Variants in ZNF704 observed in about 807,000 individuals in gnomAD.
ZNF704 encodes zinc finger protein 704.
In ZNF704, 10 loss-of-function variants were observed where a neutral mutation model predicts 44.7. The ratio of observed to expected loss-of-function variants is 0.22; its 90% CI spans 0.14 to 0.38. The LOEUF (loss-of-function observed/expected upper bound fraction) is 0.38, where lower values mean the gene tolerates loss of function less well. Ranked by LOEUF, ZNF704 falls within the 10% of genes least tolerant of loss-of-function variation. The probability of loss-of-function intolerance (pLI) is 1.00; values close to 1 mark genes in which losing one functional copy is unlikely to be tolerated. For synonymous variants in ZNF704, 211 were observed against 207.6 expected (o/e 1.02, Z -0.14); for missense variants, 390 against 545.5 (o/e 0.71, Z 2.84).
intron 2 of ZNF704, among the ~76,000 whole-genome samples, chr8:80,818,233 G>T (rs1300083918): frequency 6.6e-6 from 1 of 152,162 alleles, no homozygotes; most frequent in Non-Finnish European, 1.5e-5. Context: ...AAGATAAAGT[G>T]AGAAACGTTA....
At chr8:80,694,423 A>T (rs1181079930) in intron 2 of ZNF704, 1 of 152,244 alleles carries the variant, frequency 6.6e-6, no homozygotes, top group African/African-American at 2.4e-5. Context: ...CGATGAAATC[A>T]AATAAATTGT....
At chr8:80,672,604 C>T (rs903045282) in intron 4 of ZNF704, among the ~76,000 whole-genome samples, 6 of 152,126 alleles carry the variant, frequency 3.9e-5, no homozygotes, top group Non-Finnish European at 7.3e-5. Flanking sequence ...AATTATGTCC[C>T]TTGCAGCAAA....
At chr8:80,649,082 C>T (rs1817875061) in intron 7 of ZNF704, among the ~76,000 whole-genome samples, 1 of 152,146 alleles carries the variant, frequency 6.6e-6, no homozygotes, top group African/African-American at 2.4e-5. Context: ...ATATAATGTG[C>T]TTGGACAGTA....
intron 2 of ZNF704, among the ~76,000 whole-genome samples, chr8:80,749,976 T>C (rs1806913356): frequency 6.6e-6 from 1 of 152,064 alleles, no homozygotes; most frequent in African/African-American, 2.4e-5. Flanking sequence ...CTGTGTAAGG[T>C]GTTTGCCTTC....
chr8:80,732,621 C>T (rs902388130), intron 2 of ZNF704, among the ~76,000 whole-genome samples: 6 of 152,196 alleles, frequency 3.9e-5, no homozygotes, highest in Non-Finnish European at 7.3e-5. Flanking sequence ...ATGACTGCCC[C>T]CAGGCAAGAT....
At chr8:80,687,972 G>A (rs192429086) in intron 3 of ZNF704, among the ~76,000 whole-genome samples, 1 of 152,294 alleles carries the variant, frequency 6.6e-6, no homozygotes, top group Admixed American at 6.5e-5. Context: ...TTGAGAGGCT[G>A]AGGTAGGAGG....
chr8:80,814,705 T>C (rs1488292549), intron 2 of ZNF704, among the ~76,000 whole-genome samples: 4 of 152,230 alleles, frequency 2.6e-5, no homozygotes, highest in Non-Finnish European at 4.4e-5. Flanking sequence ...ATTTCAATGC[T>C]CTATTTTTTA....
At chr8:80,832,031 A>G (rs1159781979) in intron 1 of ZNF704, among the ~76,000 whole-genome samples, 1 of 152,232 alleles carries the variant, frequency 6.6e-6, no homozygotes, top group Non-Finnish European at 1.5e-5. Context: ...AGACATACAC[A>G]TTATCCCATA....
chr8:80,685,429 C>A (rs1046969296), intron 4 of ZNF704, among the ~76,000 whole-genome samples: 3 of 152,170 alleles, frequency 2.0e-5, no homozygotes, highest in Admixed American at 1.3e-4. Flanking sequence ...CTGGGCCATG[C>A]CTATTGAGTG....
At position 80,631,256 on chromosome 8, in the gene ZNF704, A is replaced by C. The variant is rs1366138570; in HGVS notation, c.*10110T>G. 2.0e-5 allele frequency: 3 copies of C among 151,934 alleles called. No homozygotes were observed. Among genetic ancestry groups the C allele is most frequent in the African/African-American group, 7.3e-5 (3 of 41,338 alleles). 9.4% of individuals were successfully genotyped at this position (151,934 alleles called of 1,614,324 possible). On this transcript the variant is annotated 3_prime_UTR_variant, in exon 9 of 9. Transcript: ENST00000327835. ...CATGAAACTCCGCTGTATATCCCTG[A>C]GGGGTATATTCACACTCTGGCAGCC...
chr8:80,779,537 C>G (rs1807474951), intron 2 of ZNF704, among the ~76,000 whole-genome samples: 1 of 151,984 alleles, frequency 6.6e-6, no homozygotes, highest in South Asian at 2.1e-4. Context: ...TTAAAATATT[C>G]CATAAAAACG....
chr8:80,726,409 G>A (rs1012099715), intron 2 of ZNF704, among the ~76,000 whole-genome samples: 4 of 152,110 alleles, frequency 2.6e-5, no homozygotes, highest in African/African-American at 9.7e-5. Context: ...TTCAGCTACA[G>A]GGGAGATTTG....
At chr8:80,815,611 C>A (rs1469400371) in intron 2 of ZNF704, among the ~76,000 whole-genome samples, 1 of 152,132 alleles carries the variant, frequency 6.6e-6, no homozygotes, top group Non-Finnish European at 1.5e-5. Flanking sequence ...AGTTAATGGT[C>A]TCCAATAAAC....
intron 2 of ZNF704, among the ~76,000 whole-genome samples, chr8:80,711,889 T>C (rs1563527710): frequency 6.6e-6 from 1 of 152,178 alleles, no homozygotes; most frequent in African/African-American, 2.4e-5. Flanking sequence ...ATAACTATAG[T>C]ATCTAGCAGG....
At chr8:80,851,712 CTT>C (rs1378468948) in intron 1 of ZNF704, among the ~76,000 whole-genome samples, 1 of 151,900 alleles carries the variant, frequency 6.6e-6, no homozygotes, top group African/African-American at 2.4e-5. Context: ...TACCCTAAAA[CTT>C]AAAGTATAAT....
intron 6 of ZNF704, among the ~76,000 whole-genome samples, chr8:80,662,032 T>C (rs1224459566): frequency 6.6e-6 from 1 of 152,180 alleles, no homozygotes; most frequent in Non-Finnish European, 1.5e-5. Context: ...ATCCTATGCA[T>C]ATAACAAAAT....
chr8:80,644,844 A>C (rs1038689528), intron 7 of ZNF704: 1 of 689,202 alleles, frequency 1.5e-6, no homozygotes. Context: ...AGTGAGAAGC[A>C]AGAAGGCAAC....
At position 80,711,628 on chromosome 8, in the gene ZNF704, AGTGTGACT is replaced by A. The variant is rs1043533344; in HGVS notation, c.222-18529_222-18522del. ...GTCCTGTGATAAAGGACAGAACACCAGTGTGACTGTTTTATAAGGTTTTCCAGGGGATA... is the reference window on the plus strand; with the variant it reads ...GTCCTGTGATAAAGGACAGAACACCAGTTTTATAAGGTTTTCCAGGGGATA... On this transcript the variant is annotated intron_variant, in intron 2 of 8. Coordinates refer to ENST00000327835, the MANE Select transcript of ZNF704 (RefSeq NM_001033723.3). Among the ~76,000 whole-genome samples the A allele has an allele frequency of 3.2e-4, 48 of 152,330 alleles. 1 individual carries two copies. The highest frequency in any genetic ancestry group is 1.1e-3 in the African/African-American group (45 of 41,572).
rs1817555138 is a variant in ZNF704 at position 80,629,821 on chromosome 8, G to T, written c.*11545C>A. The T allele has an allele frequency of 6.6e-6, 1 of 152,182 alleles. No homozygotes were observed. The highest frequency in any genetic ancestry group is 1.5e-5 in the Non-Finnish European group (1 of 68,026). 9.4% of individuals were successfully genotyped at this position (152,182 alleles called of 1,614,324 possible). A position where few individuals can be genotyped will look rare whatever the true frequency, so the allele number is the denominator to read the frequency against. On this transcript the variant is annotated 3_prime_UTR_variant, in exon 9 of 9. Transcript: ENST00000327835. ...AAAACCTATGCTAACTTTATCCAAT[G>T]AAATATTCGTTCACTTCATGCAGTT... is the stretch of plus-strand genomic sequence containing the variant.
Sources: allele counts gnomAD v4.1 joint callset (sites outside exome capture counted in the v4.1 genomes callset), GRCh38; gene constraint gnomAD v4.1.1; transcripts MANE v1.5; gene names NCBI Gene and HGNC (gene_info 2026-07-23, HGNC 2026-07-21).